FRMPD4: variants seen among roughly 807,000 people sequenced by gnomAD.
The protein encoded by FRMPD4 is FERM and PDZ domain containing 4.
FRMPD4 carries 22 observed loss-of-function variants against 94.1 expected under a neutral mutation model. The observed-to-expected ratio is 0.23, with a 90% CI of 0.17 to 0.33. FRMPD4 has a LOEUF of 0.33. FRMPD4 is among the 10% of genes least tolerant of loss of function. FRMPD4 has a pLI of 1.00. For synonymous variants in FRMPD4, 631 were observed against 548.6 expected (o/e 1.15, Z -2.10); for missense variants, 1,111 against 1,339.9 (o/e 0.83, Z 2.67).
chrX:11,995,529 A>T (rs1159790901), intron 3 of FRMPD4, among the ~76,000 whole-genome samples: 5 of 111,945 alleles, frequency 4.5e-5, no homozygotes, highest in African/African-American at 1.6e-4. Context: ...ACCAACAGGC[A>T]CAAGGGAAGA....
At chrX:12,588,926 A>G (rs2058957731) in intron 2 of FRMPD4, among the ~76,000 whole-genome samples, 1 of 112,612 alleles carries the variant, frequency 8.9e-6, no homozygotes, top group Non-Finnish European at 1.9e-5. Flanking sequence ...AAGGAGAATC[A>G]TATGCCACTT....
At chrX:12,514,123 A>C (rs1431264501) in intron 2 of FRMPD4, among the ~76,000 whole-genome samples, 1 of 111,652 alleles carries the variant, frequency 9.0e-6, no homozygotes, top group Non-Finnish European at 1.9e-5. Flanking sequence ...TGGGGCTGAG[A>C]TGATGGGGTT....
intron 1 of FRMPD4, among the ~76,000 whole-genome samples, chrX:12,383,276 T>C: frequency 8.9e-6 from 1 of 112,138 alleles, no homozygotes; most frequent in Non-Finnish European, 1.9e-5. Flanking sequence ...TTTAAACTAA[T>C]TGTTCTCAAA....
chrX:12,645,347 C>CTTTTTTTT (rs138817056), intron 4 of FRMPD4, among the ~76,000 whole-genome samples: 17 of 55,640 alleles, frequency 3.1e-4, no homozygotes, highest in Admixed American at 7.4e-4. Context: ...CACTCTCACT[C>CTTTTTTTT]TTTTTTTTTT....
chrX:12,472,710 T>A (rs1601986788), intron 1 of FRMPD4, among the ~76,000 whole-genome samples: 1 of 111,617 alleles, frequency 9.0e-6, no homozygotes, highest in African/African-American at 3.3e-5. Context: ...AGAAAGGGTA[T>A]CAGTGATAGA....
intron 1 of FRMPD4, among the ~76,000 whole-genome samples, chrX:12,263,439 A>G (rs2054224882): frequency 8.9e-6 from 1 of 112,015 alleles, no homozygotes; most frequent in South Asian, 3.7e-4. Flanking sequence ...TCAGATATAC[A>G]GGACCTTGTC....
rs907226877 is a variant in FRMPD4 at position 12,710,568 on chromosome X, A to G, written c.1609+31A>G. The G allele has an allele frequency of 2.1e-5, 24 of 1,152,934 alleles. No homozygotes were observed. In the East Asian group the frequency reaches 7.0e-4, roughly 34 times the overall value. On this transcript the variant is annotated intron_variant, in intron 14 of 16. Transcript: ENST00000675598. ...CTCTTCCTGAACTCATCAAGCACTG[A>G]CCTCCCTGCAAACACCCCACCTGAC...
intron 1 of FRMPD4, among the ~76,000 whole-genome samples, chrX:11,851,804 A>G (rs1274452633): frequency 3.6e-5 from 4 of 111,261 alleles, no homozygotes; most frequent in African/African-American, 9.8e-5. Context: ...CAACACTTCT[A>G]TTGGATTTTA....
chrX:12,680,959 G>C (rs182882769), intron 5 of FRMPD4, among the ~76,000 whole-genome samples: 1 of 111,150 alleles, frequency 9.0e-6, no homozygotes, highest in Non-Finnish European at 1.9e-5. Context: ...GGCACTCTAA[G>C]GTTATATCAA....
At chrX:12,001,004 C>A (rs1246833580) in intron 3 of FRMPD4, among the ~76,000 whole-genome samples, 2 of 111,926 alleles carry the variant, frequency 1.8e-5, no homozygotes, top group Non-Finnish European at 3.8e-5. Context: ...AATATTCATG[C>A]ATTCAGCTAC....
intron 1 of FRMPD4, among the ~76,000 whole-genome samples, chrX:11,836,440 G>T (rs1485055933): frequency 1.8e-5 from 2 of 111,741 alleles, no homozygotes; most frequent in Admixed American, 9.5e-5. Flanking sequence ...ACCAGACACT[G>T]TGCTAAGTGC....
chrX:12,716,001 T>TGCCCCCC, intron 14 of FRMPD4, 68 bp from the exon 15 acceptor site: 1 of 231,645 alleles, frequency 4.3e-6, no homozygotes, highest in East Asian at 8.5e-5. Context: ...GAGACGAGCC[T>TGCCCCCC]CCCACCCCCG....
rs2054441611 is a variant in FRMPD4 at position 11,987,962 on chromosome X, C to T, written c.95+109944C>T. On this transcript the variant is annotated intron_variant, in intron 3 of 18. Coordinates refer to the FRMPD4 transcript ENST00000640291. ...AAGACACAAAAAATGGAAAGATATT[C>T]CAAGCTCAAGAATTGGAAGAATGAA... Among the ~76,000 whole-genome samples, 5 of 111,049 alleles carry T rather than the reference C, an allele frequency of 4.5e-5. No individual in the cohort carries two copies. In the Admixed American group the frequency reaches 4.8e-4, roughly 11 times the overall value.
intron 5 of FRMPD4, 64 bp from the exon 6 acceptor site, chrX:12,683,414 GGAAAA>G (rs1456160930): frequency 1.8e-6 from 1 of 565,642 alleles, no homozygotes; most frequent in Admixed American, 3.0e-5. Context: ...TACCTAAGAT[GGAAAA>G]CAACTGTTAC....
chrX:12,111,534 CA>C (rs1376194890), intron 3 of FRMPD4, among the ~76,000 whole-genome samples: 1 of 111,145 alleles, frequency 9.0e-6, no homozygotes, highest in Non-Finnish European at 1.9e-5. Context: ...TCTAAAACAC[CA>C]AAAGCAATGG....
At chrX:12,481,875 G>A (rs1434583540) in intron 1 of FRMPD4, among the ~76,000 whole-genome samples, 4 of 96,016 alleles carry the variant, frequency 4.2e-5, no homozygotes, top group East Asian at 3.3e-4. Flanking sequence ...CCCGGGAGGC[G>A]GAGCTGGCAG....
At chrX:12,107,672 G>A (rs1463888146) in intron 3 of FRMPD4, among the ~76,000 whole-genome samples, 1 of 111,469 alleles carries the variant, frequency 9.0e-6, no homozygotes, top group East Asian at 2.8e-4. Flanking sequence ...ATGAAACCTT[G>A]AAAAAAGAGT....
At chrX:12,660,204 T>A (rs985661588) in intron 4 of FRMPD4, among the ~76,000 whole-genome samples, 4 of 112,469 alleles carry the variant, frequency 3.6e-5, no homozygotes, top group African/African-American at 9.7e-5. Flanking sequence ...TGGTTATATG[T>A]AAGCGAGTTA....
intron 1 of FRMPD4, among the ~76,000 whole-genome samples, chrX:11,856,342 A>C (rs752002508): frequency 8.9e-6 from 1 of 112,141 alleles, no homozygotes; most frequent in South Asian, 3.7e-4. Context: ...CAGCACAGCA[A>C]AAAGTTTATC....
Sources: gnomAD v4.1 joint callset for allele counts (sites outside exome capture counted in the v4.1 genomes callset) on GRCh38, gnomAD v4.1.1 for gene constraint, MANE v1.5 for transcripts, NCBI Gene and HGNC (gene_info 2026-07-23, HGNC 2026-07-21) for gene names.